SUCO: variants seen among roughly 807,000 people sequenced by gnomAD.
The protein encoded by SUCO is SUN domain containing ossification factor, also known as SUN domain-containing ossification factor.
In SUCO, 57 loss-of-function variants were observed where a neutral mutation model predicts 148.1. That is an observed-to-expected ratio of 0.38 (90% CI 0.31 to 0.48). The LOEUF is 0.48. SUCO is among the 20% of genes least tolerant of loss of function. The pLI is 0.96. For synonymous variants in SUCO, 470 were observed against 502.7 expected (o/e 0.93, Z 0.87); for missense variants, 1,331 against 1,468.2 (o/e 0.91, Z 1.53).
At chr1:172,574,247 G>A (rs936232553) in intron 10 of SUCO, among the ~76,000 whole-genome samples, 51 of 152,020 alleles carry the variant, frequency 3.4e-4, no homozygotes, top group Non-Finnish European at 5.6e-4. Flanking sequence ...AAACAGAAAA[G>A]GGGAGATTAA....
intron 19 of SUCO, among the ~76,000 whole-genome samples, chr1:172,596,390 G>C (rs571470246): frequency 6.6e-6 from 1 of 152,312 alleles, no homozygotes; most frequent in South Asian, 2.1e-4. Context: ...CAGCTTTTCT[G>C]CTCTGGTTTC....
intron 3 of SUCO, among the ~76,000 whole-genome samples, chr1:172,553,602 T>G (rs887845325): frequency 1.3e-5 from 2 of 152,130 alleles, no homozygotes; most frequent in Admixed American, 6.5e-5. Context: ...TGAGTATAAA[T>G]CCTCATTTCT....
chr1:172,556,438 C>G (rs955719923), intron 4 of SUCO, among the ~76,000 whole-genome samples: 1 of 152,036 alleles, frequency 6.6e-6, no homozygotes, highest in Non-Finnish European at 1.5e-5. Flanking sequence ...TTTTCAAACT[C>G]GATAATAAAT....
At position 172,589,173 on chromosome 1, in the gene SUCO, A is replaced by G; in HGVS notation, c.2072A>G (p.Glu691Gly). The G allele has an allele frequency of 1.2e-6, 2 of 1,613,994 alleles. No individual in the cohort carries two copies. The highest frequency in any genetic ancestry group is 1.7e-6 in the Non-Finnish European group (2 of 1,179,934). The part of the protein sequence containing the change: ...LSGELENTNI[E>G]REAETVVLGD... Reference sequence around the variant, plus strand: ...GGAGAATTGGAAAATACGAATATAGAAAGGGAAGCTGAAACTGTTGTTCTG... The same window carrying G: ...GGAGAATTGGAAAATACGAATATAGGAAGGGAAGCTGAAACTGTTGTTCTG... Residue 691 changes from glutamate (E) to glycine (G), a missense_variant, in exon 18 of 24, where the codon GAA becomes GGA. Transcript: ENST00000263688.
chr1:172,571,532 G>A (rs1285282575), intron 9 of SUCO, among the ~76,000 whole-genome samples: 18 of 150,336 alleles, frequency 1.2e-4, no homozygotes, highest in South Asian at 2.1e-4. Context: ...CGTCTGGGAC[G>A]TGAGGAGCCC....
upstream of SUCO, chr1:172,532,641 C>T: frequency 1.2e-6 from 2 of 1,614,030 alleles, no homozygotes; most frequent in East Asian, 2.2e-5. Flanking sequence ...TGCAACAGTT[C>T]CAAAGCTGAT....
intron 17 of SUCO, chr1:172,588,077 T>C (rs545604978): frequency 1.0e-6 from 1 of 985,064 alleles, no homozygotes; most frequent in South Asian, 4.7e-5. Context: ...GTTAGGTATT[T>C]GGCTTAGAAG....
Position 172,589,246 on chromosome 1 carries a change from T to A in SUCO, c.2145T>A (p.Thr715=), listed in dbSNP as rs1656452625. 3.7e-6 allele frequency: 6 copies of A among 1,613,956 alleles called. No homozygotes were observed. The highest frequency in any genetic ancestry group is 2.7e-5 in the African/African-American group (2 of 75,028). The change falls in exon 18 of 24, where the codon ACT becomes ACA. Residue 715 remains threonine (T), a synonymous_variant. Transcript: ENST00000263688. ...SMHQDDLVNH[T]VDAVELEPSH... is the part of the protein sequence containing the mutation. The stretch of plus-strand genomic sequence containing the variant: ...ACCAGGATGACTTGGTGAATCACAC[T>A]GTAGATGCAGTTGAACTTGAACCAA...
At chr1:172,565,045 G>GTCTAT (rs950909901) in intron 6 of SUCO, among the ~76,000 whole-genome samples, 1 of 152,008 alleles carries the variant, frequency 6.6e-6, no homozygotes, top group Admixed American at 6.5e-5. Flanking sequence ...AATAAGCTCA[G>GTCTAT]TCTATTCTAT....
At chr1:172,541,178 A>G (rs768689857) in intron 1 of SUCO, among the ~76,000 whole-genome samples, 2 of 152,228 alleles carry the variant, frequency 1.3e-5, no homozygotes, top group Non-Finnish European at 2.9e-5. Context: ...TAGCATTTAC[A>G]TAGTGTTAGG....
At chr1:172,541,912 T>G in intron 1 of SUCO, 1 of 892,254 alleles carries the variant, frequency 1.1e-6, no homozygotes. Context: ...TTTCTGTTTG[T>G]TTGCTTGTTT....
chr1:172,576,438 GTAT>G (rs1400540193), intron 11 of SUCO, among the ~76,000 whole-genome samples: 1 of 151,430 alleles, frequency 6.6e-6, no homozygotes, highest in Non-Finnish European at 1.5e-5. Flanking sequence ...TAAACTTGTA[GTAT>G]TCTTAATCTC....
At chr1:172,532,421 A>C (rs1651650288), upstream of SUCO, 1 of 1,434,774 alleles carries the variant, frequency 7.0e-7, no homozygotes, top group African/African-American at 1.4e-5. Context: ...AAGCGGCGAA[A>C]TTCTTGCTGA....
chr1:172,609,403 A>C, intron 23 of SUCO: 1 of 953,108 alleles, frequency 1.0e-6, no homozygotes, highest in Non-Finnish European at 1.2e-6. Context: ...CCGGCTGCTT[A>C]CTACATTGTA....
intron 19 of SUCO, among the ~76,000 whole-genome samples, chr1:172,595,663 C>T (rs2149265574): frequency 6.6e-6 from 1 of 152,320 alleles, no homozygotes; most frequent in Middle Eastern, 3.4e-3. Context: ...GTCTGATGGG[C>T]TTCCCTTTGT....
chr1:172,540,849 G>A (rs1475789885), intron 1 of SUCO, among the ~76,000 whole-genome samples: 1 of 152,144 alleles, frequency 6.6e-6, no homozygotes, highest in Non-Finnish European at 1.5e-5. Flanking sequence ...TAGTTGATAT[G>A]GGTAAGAGTG....
chr1:172,609,713 T>C, intron 23 of SUCO, 103 bp from the exon 24 acceptor site: 1 of 1,490,994 alleles, frequency 6.7e-7, no homozygotes, highest in Admixed American at 2.6e-5. Context: ...TGTTTTACTT[T>C]TCACCAGGAG....
chr1:172,554,062 T>TA (rs1000732537), intron 3 of SUCO, among the ~76,000 whole-genome samples: 3 of 152,212 alleles, frequency 2.0e-5, no homozygotes, highest in Non-Finnish European at 4.4e-5. Context: ...TCTTTCTTTT[T>TA]AAAAAAATAC....
chr1:172,544,073 T>C (rs1418423315), intron 1 of SUCO: 1 of 525,390 alleles, frequency 1.9e-6, no homozygotes, highest in Non-Finnish European at 2.4e-6. Flanking sequence ...ACTTACAGGA[T>C]TTCAGTAAAT....
Sources: allele counts gnomAD v4.1 joint callset (sites outside exome capture counted in the v4.1 genomes callset), GRCh38; gene constraint gnomAD v4.1.1; transcripts MANE v1.5; gene names NCBI Gene and HGNC (gene_info 2026-07-23, HGNC 2026-07-21).